XPO7: variants seen among roughly 807,000 people sequenced by gnomAD.
XPO7 encodes exportin 7.
XPO7 carries 21 observed loss-of-function variants against 144.3 expected under a neutral mutation model. The observed-to-expected ratio is 0.15, with a 90% confidence interval of 0.10 to 0.21. The LOEUF (loss-of-function observed/expected upper bound fraction) is 0.21, where lower values mean the gene tolerates loss of function less well. Ranked by LOEUF, XPO7 falls within the 10% of genes least tolerant of loss-of-function variation. The pLI is 1.00. For synonymous variants in XPO7, 580 were observed against 499.6 expected, an observed-to-expected ratio of 1.16 and a Z score of -2.15; for missense variants, 808 against 1,325.8, an observed-to-expected ratio of 0.61 and a Z score of 6.06.
intron 1 of XPO7, 59 bp from the exon 2 acceptor site, chr8:21,966,798 A>G (rs1448511185): frequency 1.8e-5 from 28 of 1,541,980 alleles, no homozygotes; most frequent in Non-Finnish European, 2.2e-5. Context: ...AATTTTAAGC[A>G]CAGTTGCTTA....
chr8:21,999,770 C>G, intron 24 of XPO7, 96 bp downstream of exon 24: 1 of 1,493,980 alleles, frequency 6.7e-7, no homozygotes, highest in South Asian at 1.2e-5. Context: ...CCAAAAAGAT[C>G]ACCACTGCCT....
At position 21,995,206 on chromosome 8, in the gene XPO7, A is replaced by T. The variant is rs142749639; in HGVS notation, c.2238-286A>T. 5.9e-3 allele frequency among the ~76,000 whole-genome samples: 906 copies of T among 152,276 alleles called. 10 individuals carry two copies. The highest frequency in any genetic ancestry group is 0.021 in the African/African-American group (859 of 41,554). ...AGGAAATGAGCTGATCCCATATAAT[A>T]CCATAGAAGTGATGAAAGGACAAAT... On this transcript the variant is annotated intron_variant, in intron 20 of 27. Transcript: ENST00000252512.
At chr8:21,951,422 A>T (rs1048088565) in intron 1 of XPO7, among the ~76,000 whole-genome samples, 2 of 152,104 alleles carry the variant, frequency 1.3e-5, no homozygotes, top group Non-Finnish European at 1.5e-5. Context: ...ATAATTTATT[A>T]TAATATGTTT....
At chr8:21,962,509 A>T (rs1811757765) in intron 1 of XPO7, among the ~76,000 whole-genome samples, 1 of 152,232 alleles carries the variant, frequency 6.6e-6, no homozygotes, top group East Asian at 1.9e-4. Flanking sequence ...AAATGTTACT[A>T]ATGTGAAGAG....
chr8:21,991,643 A>G (rs764069981), intron 18 of XPO7: 19 of 393,870 alleles, frequency 4.8e-5, no homozygotes. Context: ...CTCAGCATCA[A>G]CAAACCTAGC....
At chr8:21,975,014 G>T (rs546177048) in intron 6 of XPO7, among the ~76,000 whole-genome samples, 1 of 152,244 alleles carries the variant, frequency 6.6e-6, no homozygotes, top group Non-Finnish European at 1.5e-5. Context: ...AGAGCAGTAA[G>T]TGAGCATTTA....
In XPO7 at chr8:21,961,390, A is replaced by G. The variant is rs141968393; in HGVS notation, c.19-5467A>G. Among the ~76,000 whole-genome samples, 803 of 151,690 alleles carry G rather than the reference A, an allele frequency of 5.3e-3. 6 individuals are homozygous for G. The highest frequency in any genetic ancestry group is 0.018 in the African/African-American group (753 of 41,352). ...ACACCCAGCTAATTTTTTTGTTATT[A>G]TTATTTGTAGAGGCGGAGTCTCCCT... On this transcript the variant is annotated intron_variant, in intron 1 of 27. Transcript: ENST00000252512.
intron 1 of XPO7, among the ~76,000 whole-genome samples, chr8:21,922,854 A>G (rs1810333650): frequency 6.6e-6 from 1 of 152,104 alleles, no homozygotes; most frequent in African/African-American, 2.4e-5. Context: ...TTGCATTATG[A>G]CTGTACTAGG....
At chr8:21,948,235 C>T (rs553050888) in intron 1 of XPO7, among the ~76,000 whole-genome samples, 5 of 152,136 alleles carry the variant, frequency 3.3e-5, no homozygotes, top group Non-Finnish European at 5.9e-5. Context: ...ACAGTGGTCA[C>T]GTAAGATTAT....
chr8:21,927,440 T>G (rs1050769426), intron 1 of XPO7, among the ~76,000 whole-genome samples: 21 of 152,042 alleles, frequency 1.4e-4, no homozygotes, highest in African/African-American at 5.1e-4. Flanking sequence ...CAGAGCTGTT[T>G]GGTTTAGGTT....
intron 1 of XPO7, among the ~76,000 whole-genome samples, chr8:21,965,953 C>G (rs964101318): frequency 1.4e-5 from 2 of 147,818 alleles, no homozygotes; most frequent in African/African-American, 5.1e-5. Flanking sequence ...CAAACCATTC[C>G]TTTAAAGGCT....
chr8:22,005,000 C>T lies in XPO7; in HGVS notation c.3176C>T (p.Thr1059Ile). ...CACATGCATCCTCTCTGCAGGTTCA[C>T]CCAGAACCTGTCAGCATTCCGTCGA... is the stretch of plus-strand genomic sequence containing the variant. Reference protein sequence around the residue: ...NLLTKNRDRFTQNLSAFRREV... With the variant: ...NLLTKNRDRFIQNLSAFRREV... The change falls in exon 28 of 28, where the codon ACC becomes ATC. Residue 1059 changes from threonine to isoleucine, a missense_variant. Thr to Ile is a moderately conservative substitution (Grantham distance 89). Transcript: ENST00000252512. 1 of 1,609,518 alleles carries T rather than the reference C, an allele frequency of 6.2e-7. No homozygotes were observed. The highest frequency in any genetic ancestry group is 8.5e-7 in the Non-Finnish European group (1 of 1,177,254).
chr8:21,967,098 C>A, intron 2 of XPO7, 95 bp downstream of exon 2: 1 of 1,457,438 alleles, frequency 6.9e-7, no homozygotes, highest in Non-Finnish European at 9.1e-7. Flanking sequence ...GCTTCTGTTC[C>A]CTGATTTTTC....
chr8:21,974,630 C>T, intron 5 of XPO7, 40 bp from the exon 6 acceptor site: 1 of 1,443,412 alleles, frequency 6.9e-7, no homozygotes. Flanking sequence ...TCTTTTTTTG[C>T]AATTAATTCT....
At position 21,989,892 on chromosome 8, in the gene XPO7, C is replaced by CA. The variant is rs1315423673; in HGVS notation, c.1869-451dup. ...TGAGATGGAGTCTTGCTCTGTTGCC[C>CA]AGGCTGGAGTGCAGTTGCGCGATCT... On this transcript the variant is annotated intron_variant, in intron 16 of 27. Transcript: ENST00000252512. Among the ~76,000 whole-genome samples, 22 of 109,356 alleles carry CA rather than the reference C, an allele frequency of 2.0e-4. No homozygotes were observed. The Admixed American group carries it at 3.0e-3, about 15-fold the overall frequency. 71.7% of individuals were successfully genotyped at this position (109,356 alleles called of 152,430 possible). A position where few individuals can be genotyped will look rare whatever the true frequency, so the allele number is the denominator to read the frequency against.
chr8:21,972,021 A>C, intron 5 of XPO7, 80 bp downstream of exon 5: 3 of 1,394,288 alleles, frequency 2.2e-6, no homozygotes, highest in Non-Finnish European at 3.0e-6. Flanking sequence ...GTGTGGGATG[A>C]TCTTTTTTGG....
chr8:21,951,265 CTTTT>C (rs1029359286), intron 1 of XPO7, among the ~76,000 whole-genome samples: 1 of 145,494 alleles, frequency 6.9e-6, no homozygotes, highest in African/African-American at 2.5e-5. Flanking sequence ...TTAAGTACGT[CTTTT>C]TTTTTTTAAA....
At chr8:21,927,614 C>T (rs189754703) in intron 1 of XPO7, among the ~76,000 whole-genome samples, 164 of 148,276 alleles carry the variant, frequency 1.1e-3, no homozygotes, top group Non-Finnish European at 2.0e-3. Context: ...GGCGCAATCT[C>T]GGCTCACGGC....
At chr8:22,001,228 C>T (rs542967335) in intron 24 of XPO7, among the ~76,000 whole-genome samples, 1 of 151,902 alleles carries the variant, frequency 6.6e-6, no homozygotes, top group African/African-American at 2.4e-5. Context: ...ATCACTTGAA[C>T]CCGGGAAGTA....
Sources: allele counts gnomAD v4.1 joint callset (sites outside exome capture counted in the v4.1 genomes callset), GRCh38; gene constraint gnomAD v4.1.1; transcripts MANE v1.5; gene names NCBI Gene and HGNC (gene_info 2026-07-23, HGNC 2026-07-21).